Variants in IL22RA1 observed in about 807,000 individuals in gnomAD.
The protein encoded by IL22RA1 is interleukin-22 receptor subunit alpha-1.
A neutral mutation model predicts 32.8 loss-of-function variants in IL22RA1; 25 were observed. The ratio of observed to expected loss-of-function variants is 0.76; its 90% CI spans 0.55 to 1.06. The LOEUF is 1.06. Ranked by LOEUF, IL22RA1 falls within the 50% of genes least tolerant of loss-of-function variation. IL22RA1 has a pLI of 0.00. For missense variants in IL22RA1, 709 were observed against 727.4 expected, an observed-to-expected ratio of 0.97 and a Z score of 0.29; for synonymous variants, 305 against 305.0, an observed-to-expected ratio of 1.00 and a Z score of 0.00.
chr1:24,128,802 T>G (rs776120280), intron 4 of IL22RA1, among the ~76,000 whole-genome samples: 1 of 152,210 alleles, frequency 6.6e-6, no homozygotes, highest in Non-Finnish European at 1.5e-5. Flanking sequence ...TTGCCCCTGT[T>G]CACTTCCATA....
intron 3 of IL22RA1, 79 bp downstream of exon 3, chr1:24,137,052 G>A: frequency 1.4e-6 from 2 of 1,385,202 alleles, no homozygotes; most frequent in Non-Finnish European, 2.0e-6. Context: ...CCACTCCAGA[G>A]GGGAAGAGGC....
At chr1:24,135,313 C>CA (rs1478235021) in intron 3 of IL22RA1, among the ~76,000 whole-genome samples, 5 of 152,084 alleles carry the variant, frequency 3.3e-5, no homozygotes, top group Non-Finnish European at 5.9e-5. Flanking sequence ...CTAGTATCTG[C>CA]AGTTATGTTA....
intron 4 of IL22RA1, among the ~76,000 whole-genome samples, chr1:24,132,372 C>T (rs1331007847): frequency 4.0e-5 from 6 of 148,156 alleles, no homozygotes; most frequent in African/African-American, 1.3e-4. Context: ...TGCTCTGTCG[C>T]CCAGGCTGGA....
Position 24,123,387 on chromosome 1 carries a change from A to T in IL22RA1, c.707T>A (p.Leu236Gln). 1 of 1,614,050 alleles carries T rather than the reference A, an allele frequency of 6.2e-7. No individual in the cohort carries two copies. The highest frequency in any genetic ancestry group is 8.5e-7 in the Non-Finnish European group (1 of 1,179,990). Reference sequence around the variant, plus strand: ...TGCGACGAGGAAGCCCATGGAGAACAGGAAGGCTCCGGAGAAGGAGTAGGT... The same window carrying T: ...TGCGACGAGGAAGCCCATGGAGAACTGGAAGGCTCCGGAGAAGGAGTAGGT... ...TWTYSFSGAF[L>Q]FSMGFLVAVL... The change falls in exon 6 of 7, where the codon CTG becomes CAG. Residue 236 changes from leucine (L) to glutamine (Q), a missense_variant. By Grantham distance (113) the Leu-to-Gln change is moderately radical. Coordinates refer to ENST00000270800, the MANE Select transcript of IL22RA1 (RefSeq NM_021258.4).
In IL22RA1 at chr1:24,137,245, G is replaced by T. The variant is rs1257377653; in HGVS notation, c.241C>A (p.Leu81Met). The T allele has an allele frequency of 6.2e-7, 1 of 1,614,056 alleles. No homozygotes were observed. Among genetic ancestry groups the T allele is most frequent in the East Asian group, 2.2e-5 (1 of 44,898 alleles). ...CQRITRKSCNLTVETGNLTEL... is the reference protein window; with the variant it reads ...CQRITRKSCNMTVETGNLTEL... ...GTGAGGTTGCCCGTCTCCACCGTCA[G>T]GTTGCAGGACTTCCGGGTGATCCGC... The change falls in exon 3 of 7, where the codon CTG becomes ATG. Residue 81 changes from leucine (L) to methionine (M), a missense_variant. Leu to Met is a conservative substitution (Grantham distance 15). Coordinates refer to ENST00000270800, the MANE Select transcript of IL22RA1 (RefSeq NM_021258.4).
At chr1:24,123,186 G>T in intron 6 of IL22RA1, 116 bp downstream of exon 6, 1 of 1,387,726 alleles carries the variant, frequency 7.2e-7, no homozygotes. Flanking sequence ...TGAATGGAGA[G>T]AGCAGGCCCA....
At position 24,120,832 on chromosome 1, in the gene IL22RA1, C is replaced by G. The variant is rs1644114601; in HGVS notation, c.1698G>C (p.Leu566=). 4.3e-6 allele frequency: 7 copies of G among 1,612,620 alleles called. No homozygotes were observed. The East Asian group carries it at 1.6e-4, about 36-fold the overall frequency. The change falls in exon 7 of 7, where the codon CTG becomes CTC. Residue 566 remains leucine, a synonymous_variant. Transcript: ENST00000270800. ...AGGACTCCCACTGCACAGTCAGGGC[C>G]AGGCCTCTGAAAAGAGAATCCAGTT... ...PTELDSLFRG[L]ALTVQWES
At chr1:24,133,059 G>A (rs1388266416) in intron 4 of IL22RA1, among the ~76,000 whole-genome samples, 1 of 151,526 alleles carries the variant, frequency 6.6e-6, no homozygotes, top group Non-Finnish European at 1.5e-5. Flanking sequence ...CCGTGGTGAA[G>A]ATTAAATGAC....
rs989642276 is a variant in IL22RA1, at chr1:24,134,498, T to C, written c.356-112A>G. 1.7e-5 allele frequency: 12 copies of C among 709,548 alleles called. No homozygotes were observed. In the African/African-American group the frequency reaches 2.2e-4, roughly 13 times the overall value. 44.0% of individuals were successfully genotyped at this position (709,548 alleles called of 1,614,324 possible). ...TGCTCCCTCTCTCCTTCCACTCCAGTGCCAGCTATGCTTCTGAAAGCAACG... is the reference window on the plus strand; with the variant it reads ...TGCTCCCTCTCTCCTTCCACTCCAGCGCCAGCTATGCTTCTGAAAGCAACG... On this transcript the variant is annotated intron_variant, in intron 3 of 6. Coordinates refer to ENST00000270800, the MANE Select transcript of IL22RA1 (RefSeq NM_021258.4).
intron 6 of IL22RA1, among the ~76,000 whole-genome samples, chr1:24,122,940 C>T (rs564849797): frequency 1.3e-3 from 205 of 152,316 alleles, no homozygotes; most frequent in African/African-American, 3.4e-3. Flanking sequence ...TGGTGGTGCC[C>T]GGCTGCCCAT....
intron 4 of IL22RA1, among the ~76,000 whole-genome samples, chr1:24,128,495 C>T (rs1219039713): frequency 6.6e-6 from 1 of 150,888 alleles, no homozygotes; most frequent in South Asian, 2.1e-4. Context: ...GGCCCATAGG[C>T]AGTGGTTATA....
chr1:24,140,638 C>T (rs1046502783), intron 1 of IL22RA1, among the ~76,000 whole-genome samples: 3 of 152,194 alleles, frequency 2.0e-5, no homozygotes, highest in Non-Finnish European at 2.9e-5. Context: ...GGGCTGCAGC[C>T]TCTAAAGCAA....
At chr1:24,141,651 A>T (rs1227791622) in intron 1 of IL22RA1, among the ~76,000 whole-genome samples, 1 of 152,180 alleles carries the variant, frequency 6.6e-6, no homozygotes, top group Non-Finnish European at 1.5e-5. Flanking sequence ...GTCAGGGTCT[A>T]ACAAGATCTC....
Position 24,121,045 on chromosome 1 carries a change from C to T in IL22RA1, c.1485G>A (p.Gln495=), listed in dbSNP as rs1223406845. The T allele has an allele frequency of 1.9e-6, 3 of 1,614,202 alleles. No homozygotes were observed. The highest frequency in any genetic ancestry group is 1.7e-5 in the Admixed American group (1 of 60,022). ...EEGTPQYLKG[Q]LPLLSSVQIE... ...TCTGGACTGAGGAGAGGAGGGGGAG[C>T]TGGCCCTTTAGGTACTGTGGTGTCC... The change falls in exon 7 of 7, where the codon CAG becomes CAA. Residue 495 remains glutamine, a synonymous_variant. Coordinates refer to ENST00000270800, the MANE Select transcript of IL22RA1 (RefSeq NM_021258.4).
At chr1:24,139,731 T>C (rs1644267762) in intron 1 of IL22RA1, among the ~76,000 whole-genome samples, 1 of 151,978 alleles carries the variant, frequency 6.6e-6, no homozygotes, top group South Asian at 2.1e-4. Context: ...AGTGATGGGG[T>C]CTCATATATT....
In IL22RA1 at chr1:24,121,030, G is replaced by C; in HGVS notation, c.1500C>G (p.Ser500=). ...QYLKGQLPLL[S]SVQIEGHPMS... ...TGGGGTGGCCCTCGATCTGGACTGA[G>C]GAGAGGAGGGGGAGCTGGCCCTTTA... Residue 500 remains serine, a synonymous_variant, in exon 7 of 7, where the codon TCC becomes TCG. Transcript: ENST00000270800. The C allele has an allele frequency of 6.2e-7, 1 of 1,614,204 alleles. No individual in the cohort carries two copies. Among genetic ancestry groups the C allele is most frequent in the Non-Finnish European group, 8.5e-7 (1 of 1,180,022 alleles).
At chr1:24,140,551 G>A (rs1159707968) in intron 1 of IL22RA1, among the ~76,000 whole-genome samples, 7 of 152,310 alleles carry the variant, frequency 4.6e-5, no homozygotes, top group East Asian at 1.9e-4. Flanking sequence ...TCCAGGCTAG[G>A]TCTTTGTCCA....
chr1:24,129,846 C>G (rs1644193013), intron 4 of IL22RA1, among the ~76,000 whole-genome samples: 1 of 152,098 alleles, frequency 6.6e-6, no homozygotes, highest in Non-Finnish European at 1.5e-5. Context: ...TGGAACTGGA[C>G]ACATTACATA....
At position 24,138,566 on chromosome 1, in the gene IL22RA1, C is replaced by T. The variant is rs376004128; in HGVS notation, c.176+16G>A. 1.2e-6 allele frequency: 2 copies of T among 1,613,836 alleles called. No homozygotes were observed. The highest frequency in any genetic ancestry group is 1.7e-6 in the Non-Finnish European group (2 of 1,179,922). ...TCAGATCAGTCAAAGGAGGTGGGGT[C>T]AAGAGAGAAGCCTACGTCTTATACT... On this transcript the variant is annotated intron_variant, in intron 2 of 6. Coordinates refer to ENST00000270800, the MANE Select transcript of IL22RA1 (RefSeq NM_021258.4).
Sources: allele counts gnomAD v4.1 joint callset (sites outside exome capture counted in the v4.1 genomes callset), GRCh38; gene constraint gnomAD v4.1.1; transcripts MANE v1.5; gene names NCBI Gene and HGNC (gene_info 2026-07-23, HGNC 2026-07-21).